Variants in NTM observed in about 807,000 individuals in gnomAD.
NTM encodes the protein neurotrimin.
In NTM, 13 loss-of-function variants were observed where a neutral mutation model predicts 42.1. The observed-to-expected ratio is 0.31, with a 90% CI of 0.20 to 0.49. The LOEUF (loss-of-function observed/expected upper bound fraction) is 0.49, where lower values mean the gene tolerates loss of function less well. NTM is among the 20% of genes least tolerant of loss of function. The probability of loss-of-function intolerance (pLI) is 0.99; values close to 1 mark genes in which losing one functional copy is unlikely to be tolerated. For synonymous variants in NTM, 187 were observed against 179.2 expected (o/e 1.04, Z -0.35); for missense variants, 373 against 452.8 (o/e 0.82, Z 1.60).
intron 1 of NTM, among the ~76,000 whole-genome samples, chr11:131,761,809 CAATA>C (rs200691057): frequency 0.31 from 43,522 of 138,740 alleles, 6,941 homozygotes; most frequent in East Asian, 0.36. Context: ...AACTCTGTCT[CAATA>C]AATAAATAAA....
At chr11:131,399,922 A>G (rs1944950423) in intron 1 of NTM, among the ~76,000 whole-genome samples, 2 of 152,068 alleles carry the variant, frequency 1.3e-5, no homozygotes, top group Admixed American at 6.6e-5. Flanking sequence ...TGCACAGATC[A>G]TGATTATGGT....
intron 2 of NTM, among the ~76,000 whole-genome samples, chr11:132,026,762 G>A (rs918489206): frequency 1.3e-5 from 2 of 152,154 alleles, no homozygotes; most frequent in Non-Finnish European, 2.9e-5. Context: ...TTGGGGAAAG[G>A]CAATTGTTTC....
intron 1 of NTM, among the ~76,000 whole-genome samples, chr11:131,753,169 T>C (rs2082800007): frequency 6.6e-6 from 1 of 152,160 alleles, no homozygotes; most frequent in South Asian, 2.1e-4. Flanking sequence ...ATCAGAGAAA[T>C]GCAAATCAAA....
intron 1 of NTM, among the ~76,000 whole-genome samples, chr11:131,665,727 A>T (rs2068929907): frequency 6.6e-6 from 1 of 152,202 alleles, no homozygotes; most frequent in Non-Finnish European, 1.5e-5. Context: ...CACAAAATGC[A>T]TTCATCTAGA....
At chr11:131,478,135 A>G (rs1022052073) in intron 1 of NTM, among the ~76,000 whole-genome samples, 4 of 152,188 alleles carry the variant, frequency 2.6e-5, no homozygotes, top group African/African-American at 9.6e-5. Flanking sequence ...TTGACTTTTC[A>G]TGGCCCGGTC....
chr11:132,305,727 C>T (rs942967868), intron 4 of NTM, among the ~76,000 whole-genome samples: 7 of 152,188 alleles, frequency 4.6e-5, no homozygotes, highest in Admixed American at 1.3e-4. Flanking sequence ...TTCTTCCACC[C>T]ATCCTCAAAT....
intron 1 of NTM, among the ~76,000 whole-genome samples, chr11:131,572,419 C>T (rs80312850): frequency 0.013 from 1,954 of 152,266 alleles, 46 homozygotes; most frequent in African/African-American, 0.045. Context: ...CTGGACCATC[C>T]GTGACTCCTG....
chr11:132,261,841 T>C (rs911963863), intron 4 of NTM, among the ~76,000 whole-genome samples: 3 of 152,184 alleles, frequency 2.0e-5, no homozygotes, highest in African/African-American at 7.2e-5. Flanking sequence ...GTTTGACTAG[T>C]CACAGTGGGG....
chr11:131,923,458 A>T (rs2057508920), intron 2 of NTM, among the ~76,000 whole-genome samples: 1 of 152,168 alleles, frequency 6.6e-6, no homozygotes, highest in Non-Finnish European at 1.5e-5. Context: ...TATTAAACAG[A>T]GTTCAGATAG....
chr11:131,641,165 A>G (rs539496352), intron 1 of NTM, among the ~76,000 whole-genome samples: 2 of 152,314 alleles, frequency 1.3e-5, no homozygotes, highest in East Asian at 3.9e-4. Flanking sequence ...TCAATGTGAT[A>G]ATGACAACGA....
At chr11:131,454,390 T>C (rs1291328830) in intron 1 of NTM, among the ~76,000 whole-genome samples, 1 of 152,200 alleles carries the variant, frequency 6.6e-6, no homozygotes, top group African/African-American at 2.4e-5. Flanking sequence ...CTGTATTCCC[T>C]TTTCTCTCTT....
intron 2 of NTM, among the ~76,000 whole-genome samples, chr11:132,115,498 C>A (rs933991747): frequency 4.0e-5 from 6 of 151,898 alleles, no homozygotes; most frequent in African/African-American, 1.2e-4. Context: ...AGATTAGGGC[C>A]GAAAACAAAG....
intron 4 of NTM, among the ~76,000 whole-genome samples, chr11:132,242,624 C>T (rs573924880): frequency 1.8e-4 from 28 of 152,290 alleles, no homozygotes; most frequent in Non-Finnish European, 3.1e-4. Flanking sequence ...TCACACGGCC[C>T]GAGTAGCCAC....
chr11:132,220,879 C>T (rs1224389212), intron 4 of NTM, among the ~76,000 whole-genome samples: 1 of 152,094 alleles, frequency 6.6e-6, no homozygotes, highest in Non-Finnish European at 1.5e-5. Context: ...AAATGGTAGC[C>T]CCTACAGGGC....
At chr11:132,150,798 A>G (rs574862522) in intron 3 of NTM, among the ~76,000 whole-genome samples, 1 of 152,204 alleles carries the variant, frequency 6.6e-6, no homozygotes, top group African/African-American at 2.4e-5. Context: ...GGACACTGAG[A>G]TTTCTACCTG....
chr11:132,128,355 A>G (rs1163824059), intron 2 of NTM, among the ~76,000 whole-genome samples: 1 of 152,170 alleles, frequency 6.6e-6, no homozygotes, highest in Non-Finnish European at 1.5e-5. Flanking sequence ...TGCATACACA[A>G]TGTTACATCT....
intron 3 of NTM, among the ~76,000 whole-genome samples, chr11:132,162,878 A>C (rs2074624612): frequency 6.6e-6 from 1 of 151,854 alleles, no homozygotes. Context: ...GGAGGTTTCT[A>C]TCTGTCTATG....
chr11:131,694,268 G>C (rs924396935), intron 1 of NTM, among the ~76,000 whole-genome samples: 1 of 152,218 alleles, frequency 6.6e-6, no homozygotes, highest in African/African-American at 2.4e-5. Flanking sequence ...TAATAGTGAT[G>C]ACTTGTTACC....
chr11:132,119,229 G>A (rs2064364124), intron 2 of NTM, among the ~76,000 whole-genome samples: 1 of 152,222 alleles, frequency 6.6e-6, no homozygotes, highest in Non-Finnish European at 1.5e-5. Context: ...GTAAGGAGAA[G>A]GTGCTCGTCC....
Sources: gnomAD v4.1 joint callset for allele counts (sites outside exome capture counted in the v4.1 genomes callset) on GRCh38, gnomAD v4.1.1 for gene constraint, MANE v1.5 for transcripts, NCBI Gene and HGNC (gene_info 2026-07-23, HGNC 2026-07-21) for gene names.